SYT16: variants seen among roughly 807,000 people sequenced by gnomAD.
The protein encoded by SYT16 is synaptotagmin-16.
In SYT16, 42 loss-of-function variants were observed where a neutral mutation model predicts 61.4. The ratio of observed to expected loss-of-function variants is 0.68; its 90% CI spans 0.53 to 0.89. The LOEUF (loss-of-function observed/expected upper bound fraction) is 0.89, where lower values mean the gene tolerates loss of function less well. Among genes scored for constraint, SYT16 ranks in the 40% least tolerant of loss-of-function variants. SYT16 has a pLI of 0.00. For missense variants in SYT16, 804 were observed against 807.3 expected (o/e 1.00, Z 0.05); for synonymous variants, 314 against 302.3 (o/e 1.04, Z -0.40).
At chr14:62,080,802 C>G in intron 5 of SYT16, 32 bp from the exon 6 acceptor site, 1 of 1,555,090 alleles carries the variant, frequency 6.4e-7, no homozygotes, top group Non-Finnish European at 8.7e-7. Context: ...ATCATCATTT[C>G]CATTTCTAAT....
chr14:61,884,860 G>C (rs2047839020), intron 1 of SYT16, among the ~76,000 whole-genome samples: 1 of 152,180 alleles, frequency 6.6e-6, no homozygotes, highest in East Asian at 1.9e-4. Flanking sequence ...CAATAAATGT[G>C]ATCGGTGGTT....
chr14:62,081,344 T>C, intron 6 of SYT16, 70 bp downstream of exon 6: 1 of 1,470,844 alleles, frequency 6.8e-7, no homozygotes, highest in African/African-American at 1.4e-5. Context: ...GCCCTTGATT[T>C]AGTACGTTCA....
In SYT16 at chr14:62,080,988, G is replaced by A; in HGVS notation, c.1148G>A (p.Ser383Asn). Residue 383 changes from serine to asparagine, a missense_variant, in exon 6 of 8, where the codon AGT becomes AAT. Coordinates refer to ENST00000683842, the MANE Select transcript of SYT16 (RefSeq NM_001367656.1). Reference sequence around the variant, plus strand: ...CAGGGCCTCCCAGATAAGGACCGAAGTGGTGTCAACTCCTGGCAAGTTCAT... The same window carrying A: ...CAGGGCCTCCCAGATAAGGACCGAAATGGTGTCAACTCCTGGCAAGTTCAT... ...RAQGLPDKDR[S>N]GVNSWQVHVV... 6.2e-7 allele frequency: 1 copy of A among 1,613,302 alleles called. No homozygotes were observed. Among genetic ancestry groups the A allele is most frequent in the Non-Finnish European group, 8.5e-7 (1 of 1,179,640 alleles).
At chr14:61,997,555 T>C (rs533093662) in intron 3 of SYT16, among the ~76,000 whole-genome samples, 7 of 152,114 alleles carry the variant, frequency 4.6e-5, no homozygotes, top group Non-Finnish European at 8.8e-5. Context: ...CTTCTCATAA[T>C]GCTCTCTTGA....
rs552524082 is a variant in SYT16 at position 61,865,163 on chromosome 14, C to T, written c.-325+52353C>T. The T allele has an allele frequency of 1.5e-5, 19 of 1,227,536 alleles. No individual in the cohort carries two copies. In the South Asian group the frequency reaches 2.3e-4, roughly 15 times the overall value. The allele number at this position is 1,227,536 out of a possible 1,614,324, so 76.0% of individuals were successfully genotyped here. A position where few individuals can be genotyped will look rare whatever the true frequency, so the allele number is the denominator to read the frequency against. ...CGATAAATGCCGCTCCCTGCAGTTA[C>T]TGGGCCCAGAGGATCGTGTTTCTGT... is the stretch of plus-strand genomic sequence containing the variant. On this transcript the variant is annotated intron_variant, in intron 1 of 7. Transcript: ENST00000683842.
intron 1 of SYT16, among the ~76,000 whole-genome samples, chr14:61,933,886 A>G (rs980014907): frequency 6.6e-6 from 1 of 152,252 alleles, no homozygotes; most frequent in Non-Finnish European, 1.5e-5. Context: ...CCTAGTCTCC[A>G]AATTAGCATT....
chr14:62,007,308 C>T (rs2053263052), intron 3 of SYT16, among the ~76,000 whole-genome samples: 1 of 152,140 alleles, frequency 6.6e-6, no homozygotes, highest in South Asian at 2.1e-4. Context: ...AGTAAGCCTA[C>T]ACCTAGTTAA....
At chr14:61,831,421 T>C (rs1460333857) in intron 1 of SYT16, among the ~76,000 whole-genome samples, 1 of 152,242 alleles carries the variant, frequency 6.6e-6, no homozygotes, top group East Asian at 1.9e-4. Flanking sequence ...TAAGAATTTC[T>C]CTTTTTTTAA....
chr14:62,095,371 A>G (rs559303499), intron 7 of SYT16, among the ~76,000 whole-genome samples: 5 of 152,098 alleles, frequency 3.3e-5, no homozygotes, highest in African/African-American at 1.2e-4. Flanking sequence ...TTTGTAGAAA[A>G]TCTTATTATC....
At position 62,054,289 on chromosome 14, in the gene SYT16, C is replaced by G. The variant is rs1228819507; in HGVS notation, c.524-15314C>G. On this transcript the variant is annotated intron_variant, in intron 3 of 7. Coordinates refer to ENST00000683842, the MANE Select transcript of SYT16 (RefSeq NM_001367656.1). Reference sequence around the variant, plus strand: ...GTATAAGCATACCACCACCAAATATCTGATCTACAGATTGTATGATTTTTT... The same window carrying G: ...GTATAAGCATACCACCACCAAATATGTGATCTACAGATTGTATGATTTTTT... Among the ~76,000 whole-genome samples, 6 of 148,790 alleles carry G rather than the reference C, an allele frequency of 4.0e-5. No homozygotes were observed. In the East Asian group the frequency reaches 1.2e-3, roughly 29 times the overall value.
intron 1 of SYT16, among the ~76,000 whole-genome samples, chr14:61,834,177 C>A (rs182384399): frequency 6.6e-6 from 1 of 151,992 alleles, no homozygotes; most frequent in Non-Finnish European, 1.5e-5. Context: ...GTCGCCTGGG[C>A]TGGAGAGCAG....
chr14:62,018,266 T>A (rs2140743301), intron 3 of SYT16, among the ~76,000 whole-genome samples: 1 of 148,770 alleles, frequency 6.7e-6, no homozygotes, highest in Non-Finnish European at 1.5e-5. Flanking sequence ...GGAACTCTGG[T>A]CCCCTTGGGT....
rs777852499 is a variant in SYT16, at chr14:62,075,235, T to C, written c.837T>C (p.Asp279=). 2.8e-5 allele frequency: 45 copies of C among 1,613,704 alleles called. No homozygotes were observed. The African/African-American group carries it at 5.5e-4, about 20-fold the overall frequency. The part of the protein sequence containing the change: ...AHSQSPCERG[D]AKHHGTSHQE... ...CACAGTCCCCATGTGAAAGAGGGGA[T>C]GCCAAACACCACGGCACATCTCACC... is the stretch of plus-strand genomic sequence containing the variant. The change falls in exon 5 of 8, where the codon GAT becomes GAC. Residue 279 remains aspartate (D), a synonymous_variant. Transcript: ENST00000683842.
At chr14:61,931,963 C>A (rs2049790425) in intron 1 of SYT16, among the ~76,000 whole-genome samples, 1 of 152,206 alleles carries the variant, frequency 6.6e-6, no homozygotes, top group South Asian at 2.1e-4. Context: ...TTTGCAGTAC[C>A]ACCAACAGTG....
intron 1 of SYT16, among the ~76,000 whole-genome samples, chr14:61,817,783 T>C (rs1245307345): frequency 6.6e-6 from 1 of 152,236 alleles, no homozygotes; most frequent in Non-Finnish European, 1.5e-5. Flanking sequence ...TTCTTAAATT[T>C]GATATTTTTA....
intron 3 of SYT16, among the ~76,000 whole-genome samples, chr14:62,032,662 T>C (rs2140811289): frequency 6.6e-6 from 1 of 152,078 alleles, no homozygotes; most frequent in African/African-American, 2.4e-5. Flanking sequence ...TCCGGAAGTT[T>C]TGGAAATCTG....
intron 5 of SYT16, among the ~76,000 whole-genome samples, chr14:62,078,152 T>C (rs899419535): frequency 1.1e-4 from 14 of 124,358 alleles, no homozygotes; most frequent in African/African-American, 5.4e-4. Context: ...TCTCTCTCTC[T>C]CTCTATATAT....
chr14:61,899,304 G>GGGCC (rs1209794603), intron 1 of SYT16, among the ~76,000 whole-genome samples: 1 of 152,198 alleles, frequency 6.6e-6, no homozygotes, highest in Non-Finnish European at 1.5e-5. Context: ...GGGTCAGGTA[G>GGGCC]GGCCCTAGGA....
chr14:61,985,050 A>G (rs889188025), intron 2 of SYT16, among the ~76,000 whole-genome samples: 7 of 152,126 alleles, frequency 4.6e-5, no homozygotes, highest in African/African-American at 1.7e-4. Flanking sequence ...TGGGATCCCA[A>G]GAGGATCTGA....
Sources: gnomAD v4.1 joint callset for allele counts (sites outside exome capture counted in the v4.1 genomes callset) on GRCh38, gnomAD v4.1.1 for gene constraint, MANE v1.5 for transcripts, NCBI Gene and HGNC (gene_info 2026-07-23, HGNC 2026-07-21) for gene names.